BAZ2B: variants seen among roughly 807,000 people sequenced by gnomAD.
BAZ2B encodes bromodomain adjacent to zinc finger domain protein 2B.
A neutral mutation model predicts 246.0 loss-of-function variants in BAZ2B; 91 were observed. That is an observed-to-expected ratio of 0.37 (90% CI 0.31 to 0.44). The LOEUF is 0.44. BAZ2B is among the 20% of genes least tolerant of loss of function. The pLI, the probability that BAZ2B is intolerant of heterozygous loss-of-function variation, is 1.00. For missense variants in BAZ2B, 2,332 were observed against 2,533.7 expected (o/e 0.92, Z 1.71); for synonymous variants, 855 against 860.0 (o/e 0.99, Z 0.10).
the BAZ2B span, among the ~76,000 whole-genome samples, chr2:159,626,241 C>T: frequency 1.3e-5 from 2 of 152,084 alleles, no homozygotes; most frequent in Non-Finnish European, 1.5e-5. Flanking sequence ...GAGACTTTAA[C>T]ACCCCACTGT....
intron 2 of BAZ2B, among the ~76,000 whole-genome samples, chr2:159,529,663 T>G (rs994811691): frequency 1.3e-5 from 2 of 152,208 alleles, no homozygotes; most frequent in African/African-American, 4.8e-5. Context: ...TAAGTGTTAG[T>G]TGCCATCTAA....
chr2:159,570,334 G>A (rs921729110), intron 1 of BAZ2B, among the ~76,000 whole-genome samples: 2 of 151,926 alleles, frequency 1.3e-5, no homozygotes, highest in African/African-American at 4.8e-5. Flanking sequence ...ACAGGCGCAC[G>A]CCACCATGCC....
Position 159,500,560 on chromosome 2 carries a change from C to A in BAZ2B, c.-2-21839G>T, listed in dbSNP as rs576716914. On this transcript the variant is annotated intron_variant, in intron 2 of 36. Transcript: ENST00000392783. ...TAGTTTTTATATGGAAGAATGAAGA[C>A]CCTCTGTGACAATGCTCAGAGAAAA... Among the ~76,000 whole-genome samples the A allele has an allele frequency of 3.3e-5, 5 of 152,282 alleles. No individual in the cohort carries two copies. The East Asian group carries it at 9.6e-4, about 29-fold the overall frequency.
At chr2:159,390,766 C>A (rs1265399248) in intron 20 of BAZ2B, among the ~76,000 whole-genome samples, 1 of 152,090 alleles carries the variant, frequency 6.6e-6, no homozygotes, top group East Asian at 1.9e-4. Context: ...GAGGCCAGAT[C>A]CTAAGGGCCT....
In BAZ2B at chr2:159,531,206, A is replaced by G. The variant is rs1231125555; in HGVS notation, c.-3+24617T>C. 3.3e-5 allele frequency among the ~76,000 whole-genome samples: 5 copies of G among 152,328 alleles called. No individual in the cohort carries two copies. The East Asian group carries it at 7.7e-4, about 24-fold the overall frequency. On this transcript the variant is annotated intron_variant, in intron 2 of 36. Coordinates refer to ENST00000392783, the MANE Select transcript of BAZ2B (RefSeq NM_013450.4). The stretch of plus-strand genomic sequence containing the variant: ...TTTAAGAGTCATAAACTAGCTAAGT[A>G]GTCTTAGTTAAGTCACACTCTCTGA...
At chr2:159,429,119 A>G (rs1008533675) in intron 11 of BAZ2B, 81 bp downstream of exon 11, 1 of 928,362 alleles carries the variant, frequency 1.1e-6, no homozygotes, top group Non-Finnish European at 1.6e-6. Flanking sequence ...TATTAATTGT[A>G]GAGAATGAGA....
intron 18 of BAZ2B, chr2:159,398,118 T>C (rs1208357281): frequency 1.3e-5 from 2 of 152,084 alleles, no homozygotes; most frequent in African/African-American, 4.8e-5. Context: ...AACAGTTCCC[T>C]GGCTTTACAA....
chr2:159,618,878 C>T (rs2151853239), upstream of BAZ2B, among the ~76,000 whole-genome samples: 1 of 152,054 alleles, frequency 6.6e-6, no homozygotes, highest in East Asian at 1.9e-4. Context: ...ACATCCTTTG[C>T]TTAAATACTT....
At chr2:159,349,616 C>A (rs1160460942) in intron 28 of BAZ2B, 92 bp downstream of exon 28, 4 of 1,317,346 alleles carry the variant, frequency 3.0e-6, no homozygotes, top group African/African-American at 1.5e-5. Context: ...AATATTTTAA[C>A]TATCTGAGTG....
rs780015758 is a variant in BAZ2B, at chr2:159,453,760, A to G, written c.187T>C (p.Ser63Pro). ...RTAGDQPFNLSTVSSAFPMVS... is the reference protein window; with the variant it reads ...RTAGDQPFNLPTVSSAFPMVS... Reference sequence around the variant, plus strand: ...ATTGGGAAGGCACTCGACACTGTGGACAGGTTAAACGGTTGATCCCCAGCT... The same window carrying G: ...ATTGGGAAGGCACTCGACACTGTGGGCAGGTTAAACGGTTGATCCCCAGCT... The change falls in exon 4 of 37, where the codon TCC becomes CCC. Residue 63 changes from serine to proline, a missense_variant. Around this residue, in one of 9 missense-constraint regions of BAZ2B, gnomAD observed 242 missense variants for 237.4 expected, o/e 1.02. Coordinates refer to ENST00000392783, the MANE Select transcript of BAZ2B (RefSeq NM_013450.4). The G allele has an allele frequency of 1.2e-6, 2 of 1,612,578 alleles. No individual in the cohort carries two copies. The highest frequency in any genetic ancestry group is 1.7e-6 in the Non-Finnish European group (2 of 1,179,252).
chr2:159,467,538 T>C (rs1450323610), intron 3 of BAZ2B, among the ~76,000 whole-genome samples: 1 of 152,186 alleles, frequency 6.6e-6, no homozygotes, highest in Non-Finnish European at 1.5e-5. Context: ...TTAATTGACT[T>C]ATGTTGTGTC....
chr2:159,425,618 T>C (rs988545358), intron 13 of BAZ2B, among the ~76,000 whole-genome samples: 2 of 152,248 alleles, frequency 1.3e-5, no homozygotes, highest in African/African-American at 4.8e-5. Flanking sequence ...TCTAGTCTTT[T>C]AATATCCAGT....
At chr2:159,664,883 T>G in the BAZ2B span, among the ~76,000 whole-genome samples, 1 of 149,350 alleles carries the variant, frequency 6.7e-6, no homozygotes, top group African/African-American at 2.5e-5. Flanking sequence ...TTAGTTTAAT[T>G]AGATCCCATT....
intron 2 of BAZ2B, among the ~76,000 whole-genome samples, chr2:159,486,981 A>G (rs2079910608): frequency 6.6e-6 from 1 of 152,176 alleles, no homozygotes; most frequent in African/African-American, 2.4e-5. Flanking sequence ...TTGTATGCTC[A>G]TAGACTATTT....
chr2:159,383,785 A>G (rs1034528401), intron 23 of BAZ2B, 105 bp from the exon 24 acceptor site: 1 of 965,836 alleles, frequency 1.0e-6, no homozygotes, highest in Non-Finnish European at 1.6e-6. Context: ...ATTTTTGAAT[A>G]AGTAAAAATG....
chr2:159,490,165 T>C (rs1357440363), intron 2 of BAZ2B, among the ~76,000 whole-genome samples: 9 of 152,202 alleles, frequency 5.9e-5, no homozygotes, highest in Non-Finnish European at 1.5e-5. Context: ...TAATTCTTTT[T>C]GTAAATACTA....
chr2:159,580,362 T>C (rs1039579790), intron 1 of BAZ2B, among the ~76,000 whole-genome samples: 3 of 152,112 alleles, frequency 2.0e-5, no homozygotes, highest in African/African-American at 7.2e-5. Context: ...TTACAAGGGA[T>C]GTGAAGGACC....
In BAZ2B at chr2:159,495,459, T is replaced by C. The variant is rs1377013161; in HGVS notation, c.-2-16738A>G. On this transcript the variant is annotated intron_variant, in intron 2 of 36. Transcript: ENST00000392783. The stretch of plus-strand genomic sequence containing the variant: ...GAGATCGCGCCTCTGCACTCCAGCC[T>C]GGGCGACAGAGCGAGACTCCGTCTC... Among the ~76,000 whole-genome samples, 488 of 112,762 alleles carry C rather than the reference T, an allele frequency of 4.3e-3. 4 individuals are homozygous for C. The highest frequency in any genetic ancestry group is 0.016 in the African/African-American group (451 of 27,402). The allele number at this position is 112,762 out of a possible 152,430, so 74.0% of individuals were successfully genotyped here. A position where few individuals can be genotyped will look rare whatever the true frequency, so the allele number is the denominator to read the frequency against.
chr2:159,416,979 T>G (rs1230764572), intron 13 of BAZ2B, among the ~76,000 whole-genome samples: 1 of 152,184 alleles, frequency 6.6e-6, no homozygotes, highest in African/African-American at 2.4e-5. Flanking sequence ...TTTACATCAT[T>G]TGATTCACAT....
Sources: allele counts gnomAD v4.1 joint callset (sites outside exome capture counted in the v4.1 genomes callset), GRCh38; gene constraint gnomAD v4.1.1; regional missense constraint gnomAD v4.1.1; transcripts MANE v1.5; gene names NCBI Gene and HGNC (gene_info 2026-07-23, HGNC 2026-07-21).